The following GOLGB1 variants were observed in gnomAD, a reference collection of about 807,000 sequenced individuals.
GOLGB1 encodes golgin B1, also known as golgin subfamily B member 1.
Under a neutral mutation model 336.9 loss-of-function variants are expected in GOLGB1, and 174 were observed. That is an observed-to-expected ratio of 0.52 (90% CI 0.46 to 0.59). The LOEUF is 0.59. GOLGB1 is among the 20% of genes least tolerant of loss of function. GOLGB1 has a pLI of 0.00. For synonymous variants in GOLGB1, 1,208 were observed against 1,289.2 expected (o/e 0.94, Z 1.35); for missense variants, 3,331 against 3,645.3 (o/e 0.91, Z 2.22).
At chr3:121,670,236 T>G (rs554479329) in intron 17 of GOLGB1, among the ~76,000 whole-genome samples, 2 of 152,342 alleles carry the variant, frequency 1.3e-5, no homozygotes, top group South Asian at 4.1e-4. Flanking sequence ...TTAATAACCA[T>G]GGAGATGTCT....
chr3:121,681,373 G>A (rs1339705299), intron 15 of GOLGB1, among the ~76,000 whole-genome samples: 1 of 152,140 alleles, frequency 6.6e-6, no homozygotes, highest in Non-Finnish European at 1.5e-5. Flanking sequence ...ACGTATTTGT[G>A]GTGATGGAGT....
chr3:121,711,853 C>T (rs1463978804), intron 10 of GOLGB1, among the ~76,000 whole-genome samples: 2 of 152,114 alleles, frequency 1.3e-5, no homozygotes, highest in Admixed American at 6.5e-5. Context: ...ATACTATATT[C>T]GTAGATTTAA....
In GOLGB1 at chr3:121,697,006, C is replaced by A. The variant is rs777990460; in HGVS notation, c.3517G>T (p.Ala1173Ser). The A allele has an allele frequency of 9.3e-6, 15 of 1,613,902 alleles. No homozygotes were observed. Among genetic ancestry groups the A allele is most frequent in the African/African-American group, 4.0e-5 (3 of 74,894 alleles). Residue 1173 changes from alanine (A) to serine (S), a missense_variant, in exon 13 of 22, where the codon GCC becomes TCC. By Grantham distance (99) the Ala-to-Ser change is moderately conservative. Transcript: ENST00000614479. ...WKPELEEKILALEKEKEQLQK... is the reference protein window; with the variant it reads ...WKPELEEKILSLEKEKEQLQK... The stretch of plus-strand genomic sequence containing the variant: ...AGTTGCTCCTTTTCTTTTTCAAGGG[C>A]CAGTATCTTTTCTTCTAGTTCTGGT...
chr3:121,712,348 A>C (rs1944423094), intron 10 of GOLGB1, among the ~76,000 whole-genome samples: 1 of 152,146 alleles, frequency 6.6e-6, no homozygotes, highest in African/African-American at 2.4e-5. Context: ...TAAAACCATA[A>C]AGCTTGTGGA....
At position 121,716,789 on chromosome 3, in the gene GOLGB1, T is replaced by G; in HGVS notation, c.1236A>C (p.Gln412His). 1 of 1,613,766 alleles carries G rather than the reference T, an allele frequency of 6.2e-7. No homozygotes were observed. Among genetic ancestry groups the G allele is most frequent in the Non-Finnish European group, 8.5e-7 (1 of 1,179,650 alleles). The change falls in exon 9 of 22, where the codon CAA (glutamine) becomes CAC (histidine). Residue 412 changes from glutamine to histidine, a missense_variant. Gln to His is a conservative substitution (Grantham distance 24, BLOSUM62 0). Transcript: ENST00000614479. ...ALKDQNSKLL[Q>H]DKNEQAVQSA... ...ACTGAACTGCTTGCTCATTCTTATC[T>G]TGGAGAAGCTTTGAATTTTGATCCT...
intron 10 of GOLGB1, among the ~76,000 whole-genome samples, chr3:121,714,358 T>C (rs759576251): frequency 7.2e-5 from 11 of 152,170 alleles, no homozygotes; most frequent in Non-Finnish European, 1.3e-4. Context: ...TCTACAGAGA[T>C]TTTTGTAGAT....
Position 121,696,737 on chromosome 3 carries a change from A to T in GOLGB1, c.3786T>A (p.Cys1262Ter). 6.2e-7 allele frequency: 1 copy of T among 1,614,128 alleles called. No individual in the cohort carries two copies. Among genetic ancestry groups the T allele is most frequent in the South Asian group, 1.1e-5 (1 of 91,082 alleles). Residue 1262 changes from cysteine (C) to a stop codon, truncating the protein, a stop_gained, in exon 13 of 22, where the codon TGT becomes TGA. Coordinates refer to ENST00000614479, the MANE Select transcript of GOLGB1 (RefSeq NM_001366282.2). LOFTEE classifies it high-confidence loss of function. ...GTTCTTCTAAACCTGGAGTGGAAGA[A>T]CACGATTCCTGCTGGTCTGTGCTTG... is the stretch of plus-strand genomic sequence containing the variant. ...KLPSTDQQESCSSTPGLEEPL... is the reference protein window; with the variant it reads ...KLPSTDQQES
At chr3:121,739,731 G>T (rs1946722098) in intron 1 of GOLGB1, among the ~76,000 whole-genome samples, 2 of 152,048 alleles carry the variant, frequency 1.3e-5, no homozygotes, top group African/African-American at 2.4e-5. Context: ...TTAGAGAAAA[G>T]AAAACTTAAG....
rs1202617239 is a variant in GOLGB1, at chr3:121,695,320, T to TTTCAAG, written c.5197_5202dup (p.Leu1733_Glu1734dup). On this transcript the variant is annotated inframe_insertion, in exon 13 of 22. Transcript: ENST00000614479. ...AGGGTTTCATACTCCATTTTGACCC[T>TTTCAAG]TTCAAGTTCTTCCTTCATGCTGGCA... is the stretch of plus-strand genomic sequence containing the variant. 6.2e-7 allele frequency: 1 copy of TTTCAAG among 1,614,140 alleles called. No homozygotes were observed. Among genetic ancestry groups the TTTCAAG allele is most frequent in the African/African-American group, 1.3e-5 (1 of 75,054 alleles).
rs769975311 is a variant in GOLGB1, at chr3:121,699,895, AC to A, written c.1520-11del. 1 of 1,536,684 alleles carries A rather than the reference AC, an allele frequency of 6.5e-7. No individual in the cohort carries two copies. The highest frequency in any genetic ancestry group is 9.0e-7 in the Non-Finnish European group (1 of 1,113,884). On this transcript the variant is annotated splice_polypyrimidine_tract_variant and intron_variant, in intron 11 of 21. Transcript: ENST00000614479. ...TGAGAAGACAGTTTTTCTGAAAGTC[AC>A]AAAATAAATATCTTTAGAAGATATA...
chr3:121,747,236 A>C (rs35969345), intron 1 of GOLGB1, among the ~76,000 whole-genome samples: 36 of 140,238 alleles, frequency 2.6e-4, no homozygotes, highest in Non-Finnish European at 5.1e-4. Flanking sequence ...ATGTTACATA[A>C]CAAAACAAAA....
At chr3:121,719,803 C>A (rs779284823) in intron 6 of GOLGB1, 35 bp from the exon 7 acceptor site, 3 of 1,558,872 alleles carry the variant, frequency 1.9e-6, no homozygotes, top group Non-Finnish European at 2.6e-6. Context: ...ATGCAAGTTA[C>A]ACTCCCCGAA....
intron 17 of GOLGB1, among the ~76,000 whole-genome samples, chr3:121,672,104 G>A (rs1939624447): frequency 6.6e-6 from 1 of 152,246 alleles, no homozygotes; most frequent in African/African-American, 2.4e-5. Context: ...AATAAACATG[G>A]GAGTACAGAT....
rs201030310 is a variant in GOLGB1 at position 121,698,904 on chromosome 3, T to C, written c.1619A>G (p.Lys540Arg). The C allele has an allele frequency of 2.5e-6, 4 of 1,581,246 alleles. No homozygotes were observed. The highest frequency in any genetic ancestry group is 4.5e-5 in the East Asian group (2 of 44,660). Residue 540 changes from lysine (K) to arginine (R), a missense_variant, in exon 13 of 22, where the codon AAG (lysine) becomes AGG (arginine). Coordinates refer to ENST00000614479, the MANE Select transcript of GOLGB1 (RefSeq NM_001366282.2). The part of the protein sequence containing the change: ...SEISIVDIAN[K>R]RSSSAEESGQ... ...ACTTTCCTCAGCAGAAGAGCTCCTC[T>C]TGTTGGCAATATCAACAATGCTGAT...
At position 121,698,243 on chromosome 3, in the gene GOLGB1, T is replaced by G; in HGVS notation, c.2280A>C (p.Glu760Asp). The G allele has an allele frequency of 6.2e-7, 1 of 1,613,976 alleles. No individual in the cohort carries two copies. The highest frequency in any genetic ancestry group is 8.5e-7 in the Non-Finnish European group (1 of 1,179,896). The change falls in exon 13 of 22, where the codon GAA (glutamate) becomes GAC (aspartate). Residue 760 changes from glutamate to aspartate, a missense_variant. Physicochemically the swap from Glu to Asp is conservative, Grantham distance 45 (BLOSUM62 2). Coordinates refer to ENST00000614479, the MANE Select transcript of GOLGB1 (RefSeq NM_001366282.2). ...CCCTCAATTCTGTTACCATGCTAAG[T>G]TCCTTCACCTGAGAGAGAAGCTGGT... ...ERDQLLSQVK[E>D]LSMVTELRAQ...
At chr3:121,672,964 C>T (rs1003684407) in intron 17 of GOLGB1, among the ~76,000 whole-genome samples, 2 of 151,892 alleles carry the variant, frequency 1.3e-5, no homozygotes, top group Non-Finnish European at 2.9e-5. Context: ...ACCTGGGTTT[C>T]TAATTGTTTC....
At position 121,676,783 on chromosome 3, in the gene GOLGB1, CCCT is replaced by C. The variant is rs372019841; in HGVS notation, c.9177+107_9177+109del. On this transcript the variant is annotated intron_variant, in intron 17 of 21. Coordinates refer to ENST00000614479, the MANE Select transcript of GOLGB1 (RefSeq NM_001366282.2). The stretch of plus-strand genomic sequence containing the variant: ...TTCTGAGAAAGGTGAAACTTCTGTA[CCCT>C]AAGATATGCTACAGCTGGGACTCTA... The C allele has an allele frequency of 3.6e-4, 333 of 935,520 alleles. 1 individual carries two copies. In the East Asian group the frequency reaches 7.1e-3, roughly 20 times the overall value. 58.0% of individuals were successfully genotyped at this position (935,520 alleles called of 1,614,324 possible).
In GOLGB1 at chr3:121,697,080, T is replaced by G. The variant is rs1439766383; in HGVS notation, c.3443A>C (p.Glu1148Ala). 1.9e-6 allele frequency: 3 copies of G among 1,614,126 alleles called. No individual in the cohort carries two copies. The South Asian group carries it at 3.3e-5, about 18-fold the overall frequency. Residue 1148 changes from glutamate to alanine, a missense_variant, in exon 13 of 22, where the codon GAA becomes GCA. Physicochemically the swap from Glu to Ala is moderately radical, Grantham distance 107. Coordinates refer to ENST00000614479, the MANE Select transcript of GOLGB1 (RefSeq NM_001366282.2). ...SDGDSVALVK[E>A]TVVISPPCTG... is the part of the protein sequence containing the mutation. ...ACAAGGTGGACTTATCACCACTGTT[T>G]CCTTTACAAGTGCTACGGAGTCCCC...
At chr3:121,699,621 G>A (rs895615751) in intron 12 of GOLGB1, among the ~76,000 whole-genome samples, 191 bp downstream of exon 12, 4 of 152,096 alleles carry the variant, frequency 2.6e-5, no homozygotes, top group Non-Finnish European at 4.4e-5. Context: ...TTAGAACAAT[G>A]AATTTTAATA....
Sources: gnomAD v4.1 joint callset for allele counts (sites outside exome capture counted in the v4.1 genomes callset) on GRCh38, gnomAD v4.1.1 for gene constraint, MANE v1.5 for transcripts, NCBI Gene and HGNC (gene_info 2026-07-23, HGNC 2026-07-21) for gene names.